PARP8: variants seen among roughly 807,000 people sequenced by gnomAD.
PARP8 encodes the protein protein mono-ADP-ribosyltransferase PARP8.
A neutral mutation model predicts 124.1 loss-of-function variants in PARP8; 51 were observed. The observed-to-expected ratio is 0.41, with a 90% CI of 0.33 to 0.52. The LOEUF is 0.52. PARP8 is among the 20% of genes least tolerant of loss of function. PARP8 has a pLI of 0.21. For missense variants in PARP8, 860 were observed against 1,018.9 expected, an observed-to-expected ratio of 0.84 and a Z score of 2.12; for synonymous variants, 391 against 361.5, an observed-to-expected ratio of 1.08 and a Z score of -0.93.
At chr5:50,832,152 A>G (rs1313030204) in intron 22 of PARP8, among the ~76,000 whole-genome samples, 2 of 152,190 alleles carry the variant, frequency 1.3e-5, no homozygotes, top group Non-Finnish European at 2.9e-5. Flanking sequence ...ATCAACACCT[A>G]TCTCAACTTC....
intron 3 of PARP8, among the ~76,000 whole-genome samples, chr5:50,759,136 A>T (rs897165133): frequency 1.3e-5 from 2 of 151,980 alleles, no homozygotes; most frequent in African/African-American, 4.8e-5. Flanking sequence ...CCAGGCTGGT[A>T]TCAAACTCCT....
chr5:50,795,168 A>G lies in PARP8; in HGVS notation c.1179A>G (p.Pro393=), dbSNP rs1429313721. The change falls in exon 12 of 26, where the codon CCA becomes CCG. Residue 393 remains proline, a synonymous_variant. Coordinates refer to ENST00000281631, the MANE Select transcript of PARP8 (RefSeq NM_024615.4). ...RLLTRSCSGD[P]RCEHNTNLKP... The stretch of plus-strand genomic sequence containing the variant: ...TGACTCGATCTTGTTCTGGAGATCC[A>G]CGATGTGAGCACAACACAAACTTGA... The G allele has an allele frequency of 1.2e-6, 2 of 1,614,256 alleles. No homozygotes were observed. Among genetic ancestry groups the G allele is most frequent in the Non-Finnish European group, 8.5e-7 (1 of 1,180,050 alleles).
chr5:50,834,595 A>G (rs1387008302), intron 24 of PARP8, among the ~76,000 whole-genome samples: 1 of 152,166 alleles, frequency 6.6e-6, no homozygotes, highest in Non-Finnish European at 1.5e-5. Flanking sequence ...GCTGCTGTCA[A>G]CTGTCTTTTA....
chr5:50,825,145 C>T (rs114023004), intron 18 of PARP8, among the ~76,000 whole-genome samples, 170 bp downstream of exon 18: 1 of 152,262 alleles, frequency 6.6e-6, no homozygotes, highest in African/African-American at 2.4e-5. Flanking sequence ...TCCTTAATGA[C>T]TCTCACTTTA....
At chr5:50,833,153 A>G (rs181546161) in intron 23 of PARP8, among the ~76,000 whole-genome samples, 32 of 152,296 alleles carry the variant, frequency 2.1e-4, no homozygotes, top group South Asian at 1.0e-3. Flanking sequence ...ACTGAGGGGT[A>G]TAAATAAATT....
At chr5:50,740,122 G>A (rs749515069) in intron 2 of PARP8, among the ~76,000 whole-genome samples, 7 of 152,110 alleles carry the variant, frequency 4.6e-5, no homozygotes, top group Non-Finnish European at 7.4e-5. Flanking sequence ...TAGGTAGATG[G>A]TAGGTGCTGG....
chr5:50,725,948 C>T lies in PARP8; in HGVS notation c.147-24203C>T, dbSNP rs1580109820. Among the ~76,000 whole-genome samples the T allele has an allele frequency of 2.6e-5, 4 of 152,216 alleles. No homozygotes were observed. The South Asian group carries it at 8.3e-4, about 32-fold the overall frequency. ...CATATACACAAGATTTCCTTCAAAT[C>T]ATGACCGGAGACGCATCCTGTAGAG... On this transcript the variant is annotated intron_variant, in intron 2 of 25. Transcript: ENST00000281631.
At chr5:50,750,729 T>C (rs987649935) in intron 3 of PARP8, among the ~76,000 whole-genome samples, 5 of 152,136 alleles carry the variant, frequency 3.3e-5, no homozygotes, top group African/African-American at 1.2e-4. Context: ...GAAAATACTT[T>C]CTTAAATCAC....
In PARP8 at chr5:50,666,914, C is replaced by CTCT; in HGVS notation, c.-180_-179insTTC. On this transcript the variant is annotated 5_prime_UTR_variant, in exon 1 of 26. Coordinates refer to ENST00000281631, the MANE Select transcript of PARP8 (RefSeq NM_024615.4). ...CAAAGCCGACCTCCCCCTCCTCCTCCTCCTCCCCCTCCTCCTCCTCCTCTT... is the reference window on the plus strand; with the variant it reads ...CAAAGCCGACCTCCCCCTCCTCCTCCTCTTCCTCCCCCTCCTCCTCCTCCTCTT... 7.4e-7 allele frequency: 1 copy of CTCT among 1,347,248 alleles called. No homozygotes were observed. Among genetic ancestry groups the CTCT allele is most frequent in the Non-Finnish European group, 9.6e-7 (1 of 1,043,198 alleles). The allele number at this position is 1,347,248 out of a possible 1,614,324, so 83.5% of individuals were successfully genotyped here.
intron 13 of PARP8, 51 bp from the exon 14 acceptor site, chr5:50,797,087 T>A (rs778057722): frequency 6.8e-6 from 11 of 1,609,354 alleles, no homozygotes; most frequent in South Asian, 4.4e-5. Context: ...ACGGGGTTTT[T>A]AAATCATTTA....
Position 50,843,326 on chromosome 5 carries a change from A to C in PARP8, c.*1258A>C, listed in dbSNP as rs1203631644. On this transcript the variant is annotated 3_prime_UTR_variant, in exon 26 of 26. Transcript: ENST00000281631. ...AAGCAGTTTAATTAGTGAGTCTGCC[A>C]CTCTATTCAAACCCTGAATCAAGGC... is the stretch of plus-strand genomic sequence containing the variant. The C allele has an allele frequency of 6.6e-6, 1 of 151,618 alleles. No individual in the cohort carries two copies. The highest frequency in any genetic ancestry group is 2.1e-4 in the South Asian group (1 of 4,830). The allele number at this position is 151,618 out of a possible 1,614,324, so 9.4% of individuals were successfully genotyped here. A position where few individuals can be genotyped will look rare whatever the true frequency, so the allele number is the denominator to read the frequency against.
rs1439718636 is a variant in PARP8, at chr5:50,841,968, A to G, written c.2465A>G (p.Tyr822Cys). 1.9e-6 allele frequency: 3 copies of G among 1,586,306 alleles called. No homozygotes were observed. Residue 822 changes from tyrosine (Y) to cysteine (C), a missense_variant and splice_region_variant, in exon 26 of 26, where the codon TAT becomes TGT. Physicochemically the swap from Tyr to Cys is radical, Grantham distance 194 (BLOSUM62 -2). Coordinates refer to ENST00000281631, the MANE Select transcript of PARP8 (RefSeq NM_024615.4). ...TATTTTTATGTTTTGTATTTCAGCT[A>G]TGAAGACGGCCAAGTGGGAGATGCA... is the stretch of plus-strand genomic sequence containing the variant. ...DHVCTRFFFV[Y>C]EDGQVGDANI...
intron 1 of PARP8, 164 bp from the exon 2 acceptor site, chr5:50,667,907 C>T: frequency 1.3e-6 from 2 of 1,500,442 alleles, no homozygotes; most frequent in Non-Finnish European, 1.8e-6. Flanking sequence ...GGGGGCGCGC[C>T]GCATCCCCTC....
In PARP8 at chr5:50,690,667, A is replaced by G. The variant is rs181019139; in HGVS notation, c.146+22542A>G. Among the ~76,000 whole-genome samples the G allele has an allele frequency of 2.9e-3, 443 of 152,256 alleles. 1 individual carries two copies. Among genetic ancestry groups the G allele is most frequent in the African/African-American group, 8.9e-3 (369 of 41,544 alleles). On this transcript the variant is annotated intron_variant, in intron 2 of 25. Transcript: ENST00000281631. ...CTATCTAGCAAAACTATGTCTAAAG[A>G]TCTATTCACCTAGTCCAATCCTATG...
At position 50,844,385 on chromosome 5, in the gene PARP8, T is replaced by C. The variant is rs1402217395; in HGVS notation, c.*2317T>C. On this transcript the variant is annotated 3_prime_UTR_variant, in exon 26 of 26. Coordinates refer to ENST00000281631, the MANE Select transcript of PARP8 (RefSeq NM_024615.4). ...TTGAACTTTTTGAAATTAGGGATAC[T>C]ATAATAACTGATAAAGATGAATTTC... 2 of 151,796 alleles carry C rather than the reference T, an allele frequency of 1.3e-5. No individual in the cohort carries two copies. Among genetic ancestry groups the C allele is most frequent in the Admixed American group, 6.6e-5 (1 of 15,202 alleles). The allele number at this position is 151,796 out of a possible 1,614,324, so 9.4% of individuals were successfully genotyped here.
At chr5:50,773,491 G>T (rs1461022309) in intron 7 of PARP8, among the ~76,000 whole-genome samples, 2 of 152,130 alleles carry the variant, frequency 1.3e-5, no homozygotes, top group African/African-American at 4.8e-5. Flanking sequence ...TAAGTGTATG[G>T]ATGTATTTCT....
intron 3 of PARP8, among the ~76,000 whole-genome samples, chr5:50,758,831 C>G (rs1014165859): frequency 6.7e-6 from 1 of 149,804 alleles, no homozygotes; most frequent in Admixed American, 6.7e-5. Flanking sequence ...GGAAAGAGTG[C>G]TAAACTCATA....
intron 7 of PARP8, among the ~76,000 whole-genome samples, chr5:50,777,788 C>T (rs1740197529): frequency 6.6e-6 from 1 of 152,122 alleles, no homozygotes. Context: ...GACTAATTTG[C>T]CACAGAAAAC....
intron 14 of PARP8, among the ~76,000 whole-genome samples, chr5:50,801,368 G>C (rs184880367): frequency 6.6e-6 from 1 of 152,110 alleles, no homozygotes; most frequent in Non-Finnish European, 1.5e-5. Context: ...CAAAGTGATG[G>C]GATTACAGGC....
Sources: gnomAD v4.1 joint callset for allele counts (sites outside exome capture counted in the v4.1 genomes callset) on GRCh38, gnomAD v4.1.1 for gene constraint, MANE v1.5 for transcripts, NCBI Gene and HGNC (gene_info 2026-07-23, HGNC 2026-07-21) for gene names.